Variants in MPHOSPH9 observed in about 807,000 individuals in gnomAD.
MPHOSPH9 encodes M-phase phosphoprotein 9.
In MPHOSPH9, 88 loss-of-function variants were observed where a neutral mutation model predicts 145.5. The observed-to-expected ratio is 0.60, with a 90% CI of 0.51 to 0.72. The LOEUF (loss-of-function observed/expected upper bound fraction) is 0.72, where lower values mean the gene tolerates loss of function less well. MPHOSPH9 is among the 30% of genes least tolerant of loss of function. The probability of loss-of-function intolerance (pLI) is 0.00; values close to 1 mark genes in which losing one functional copy is unlikely to be tolerated. For missense variants in MPHOSPH9, 1,238 were observed against 1,386.6 expected (o/e 0.89, Z 1.70); for synonymous variants, 435 against 486.2 (o/e 0.89, Z 1.39).
At chr12:123,222,797 G>A (rs957132866) in intron 4 of MPHOSPH9, among the ~76,000 whole-genome samples, 6 of 152,058 alleles carry the variant, frequency 3.9e-5, no homozygotes, top group African/African-American at 9.7e-5. Context: ...TTAGCTGGGC[G>A]TGTTGGCAGG....
rs911209401 is a variant in MPHOSPH9, at chr12:123,228,340, AAAAT to A, written c.105-728_105-725del. Among the ~76,000 whole-genome samples the A allele has an allele frequency of 5.3e-4, 80 of 152,312 alleles. No individual in the cohort carries two copies. In the Middle Eastern group the frequency reaches 0.01, roughly 19 times the overall value. On this transcript the variant is annotated intron_variant, in intron 2 of 23. Transcript: ENST00000606320. ...TTCTTTCACAAATAATTTGTTTAAA[AAAAT>A]AAATAAAAATAACAATAAAATAATA...
Position 123,230,535 on chromosome 12 carries a change from G to A in MPHOSPH9, c.-158-13C>T. The A allele has an allele frequency of 9.0e-6, 4 of 446,866 alleles. No individual in the cohort carries two copies. Among genetic ancestry groups the A allele is most frequent in the Non-Finnish European group, 1.6e-5 (4 of 252,190 alleles). The allele number at this position is 446,866 out of a possible 1,614,324, so 27.7% of individuals were successfully genotyped here. On this transcript the variant is annotated splice_polypyrimidine_tract_variant and intron_variant, in intron 1 of 23. Transcript: ENST00000606320. ...CTTCCAAGAGAGTCTGAAAATGAAT[G>A]GGGGAAAAAAATACTACTATAAAAA...
intron 14 of MPHOSPH9, among the ~76,000 whole-genome samples, chr12:123,180,451 C>T (rs979677646): frequency 1.3e-5 from 2 of 152,178 alleles, no homozygotes; most frequent in East Asian, 1.9e-4. Context: ...CTTACACCAT[C>T]GTCGAAGGGT....
intron 8 of MPHOSPH9, among the ~76,000 whole-genome samples, chr12:123,206,772 G>C (rs2046455190): frequency 6.6e-6 from 1 of 151,660 alleles, no homozygotes; most frequent in Admixed American, 6.6e-5. Context: ...AAATTAGCTG[G>C]GTATGGTAGT....
At chr12:123,229,582 C>A (rs1325272688) in intron 2 of MPHOSPH9, among the ~76,000 whole-genome samples, 1 of 152,066 alleles carries the variant, frequency 6.6e-6, no homozygotes, top group Non-Finnish European at 1.5e-5. Context: ...AGTATTTCTG[C>A]AACATAAAAC....
intron 12 of MPHOSPH9, among the ~76,000 whole-genome samples, chr12:123,195,352 C>T (rs941204011): frequency 1.3e-5 from 2 of 151,804 alleles, no homozygotes; most frequent in African/African-American, 4.8e-5. Flanking sequence ...TTTGGGAGGC[C>T]GAGGCAGGTG....
In MPHOSPH9 at chr12:123,216,859, C is replaced by T. The variant is rs181637522; in HGVS notation, c.996+1517G>A. ...CAAAAATAAGCCAGGCGTGGTGGCACGCGCCTATAGTCCCAGCTAATCGAG... is the reference window on the plus strand; with the variant it reads ...CAAAAATAAGCCAGGCGTGGTGGCATGCGCCTATAGTCCCAGCTAATCGAG... On this transcript the variant is annotated intron_variant, in intron 6 of 23. Coordinates refer to ENST00000606320, the MANE Select transcript of MPHOSPH9 (RefSeq NM_022782.4). Among the ~76,000 whole-genome samples the T allele has an allele frequency of 1.1e-3, 163 of 151,956 alleles. 2 individuals are homozygous for T. In the East Asian group the frequency reaches 0.027, roughly 26 times the overall value.
chr12:123,240,991 G>T, intron 1 of MPHOSPH9, among the ~76,000 whole-genome samples: 1 of 152,070 alleles, frequency 6.6e-6, no homozygotes, highest in Non-Finnish European at 1.5e-5. Flanking sequence ...TAGGATTACA[G>T]GTGTGAGCCA....
intron 23 of MPHOSPH9, among the ~76,000 whole-genome samples, chr12:123,157,412 T>C (rs1311908009): frequency 6.6e-6 from 1 of 151,362 alleles, no homozygotes. Flanking sequence ...CACAATGAAT[T>C]AACAATTGCT....
chr12:123,228,445 T>C (rs2047511986), intron 2 of MPHOSPH9, among the ~76,000 whole-genome samples: 1 of 152,184 alleles, frequency 6.6e-6, no homozygotes, highest in Non-Finnish European at 1.5e-5. Flanking sequence ...ATCCCAGCAC[T>C]TTGGGAGGCC....
At chr12:123,157,675 C>T (rs1173974352) in intron 23 of MPHOSPH9, among the ~76,000 whole-genome samples, 1 of 151,760 alleles carries the variant, frequency 6.6e-6, no homozygotes, top group African/African-American at 2.4e-5. Context: ...TTTGCAGAGA[C>T]AAGATCTCAC....
intron 1 of MPHOSPH9, among the ~76,000 whole-genome samples, chr12:123,232,165 C>CTA (rs1225503791): frequency 2.0e-5 from 3 of 151,736 alleles, no homozygotes; most frequent in Non-Finnish European, 1.5e-5. Context: ...AATCACCATG[C>CTA]TATTACACCA....
intron 1 of MPHOSPH9, among the ~76,000 whole-genome samples, chr12:123,239,789 A>G (rs973883630): frequency 6.6e-5 from 10 of 151,878 alleles, no homozygotes; most frequent in Non-Finnish European, 1.3e-4. Context: ...CCCCCAGATG[A>G]CCCAGTTTCC....
chr12:123,210,255 G>A, intron 7 of MPHOSPH9, 93 bp from the exon 8 acceptor site: 2 of 650,456 alleles, frequency 3.1e-6, no homozygotes, highest in Non-Finnish European at 4.9e-6. Flanking sequence ...AATTAAATAT[G>A]GGAAGAAATT....
chr12:123,236,849 C>T (rs994314288), upstream of MPHOSPH9, among the ~76,000 whole-genome samples: 8 of 151,898 alleles, frequency 5.3e-5, no homozygotes, highest in South Asian at 6.2e-4. Flanking sequence ...TTTGAGAGGC[C>T]GAGGCGGGCG....
intron 13 of MPHOSPH9, among the ~76,000 whole-genome samples, chr12:123,181,902 C>G (rs2045172683): frequency 1.3e-5 from 2 of 152,084 alleles, no homozygotes; most frequent in Admixed American, 1.3e-4. Flanking sequence ...AATATCAATA[C>G]CATGTAAGTA....
At chr12:123,207,184 T>G (rs1264861935) in intron 8 of MPHOSPH9, among the ~76,000 whole-genome samples, 1 of 142,316 alleles carries the variant, frequency 7.0e-6, no homozygotes, top group African/African-American at 2.5e-5. Flanking sequence ...ATCAGTCTAA[T>G]TTATAAATTT....
chr12:123,164,481 C>A (rs934062235), intron 18 of MPHOSPH9, among the ~76,000 whole-genome samples: 1 of 152,086 alleles, frequency 6.6e-6, no homozygotes, highest in Non-Finnish European at 1.5e-5. Flanking sequence ...AGAAAGCAAG[C>A]ATAGTGGAAA....
chr12:123,221,412 C>A lies in MPHOSPH9; in HGVS notation c.832G>T (p.Glu278Ter). The A allele has an allele frequency of 6.2e-7, 1 of 1,608,790 alleles. No individual in the cohort carries two copies. Among genetic ancestry groups the A allele is most frequent in the Non-Finnish European group, 8.5e-7 (1 of 1,178,428 alleles). The change falls in exon 5 of 24, where the codon GAA (glutamate) becomes TAA (stop). Residue 278 changes from glutamate to a stop codon, truncating the protein, a stop_gained. Transcript: ENST00000606320. LOFTEE classifies it high-confidence loss of function. Reference protein sequence around the residue: ...PGEFEHNFLGENKVSEVYSGK... With the variant: ...PGEFEHNFLG ...CTGTATACTTCAGAAACCTTATTTT[C>A]ACCAAGAAAATTATGTTCAAATTCA...
Sources: allele counts gnomAD v4.1 joint callset (sites outside exome capture counted in the v4.1 genomes callset), GRCh38; gene constraint gnomAD v4.1.1; transcripts MANE v1.5; gene names NCBI Gene and HGNC (gene_info 2026-07-23, HGNC 2026-07-21).